LRRC31: variants seen among roughly 807,000 people sequenced by gnomAD.
The protein encoded by LRRC31 is leucine rich repeat containing 31.
In LRRC31, 35 loss-of-function variants were observed where a neutral mutation model predicts 46.7. The observed-to-expected ratio is 0.75, with a 90% CI of 0.57 to 0.99. LRRC31 has a LOEUF of 0.99. Ranked by LOEUF, LRRC31 falls within the 50% of genes least tolerant of loss-of-function variation. LRRC31 has a pLI of 0.00. For missense variants in LRRC31, 613 were observed against 626.1 expected (o/e 0.98, Z 0.22); for synonymous variants, 236 against 235.1 (o/e 1.00, Z -0.03).
intron 1 of LRRC31, among the ~76,000 whole-genome samples, chr3:169,864,138 C>T (rs1337694041): frequency 1.3e-5 from 2 of 152,082 alleles, no homozygotes; most frequent in East Asian, 3.9e-4. Context: ...CCAGCCCCAC[C>T]AAACCCACTC....
At chr3:169,857,711 T>C (rs906420685) in intron 3 of LRRC31, among the ~76,000 whole-genome samples, 3 of 152,000 alleles carry the variant, frequency 2.0e-5, no homozygotes, top group African/African-American at 7.3e-5. Flanking sequence ...AAATGTACTT[T>C]CTCAATGTGC....
Position 169,869,682 on chromosome 3 carries a change from A to T in LRRC31, c.126T>A (p.Ser42Arg). ...GTATCCAGTCGCTGGGTTGGGAATC[A>T]CTTGTTTTAAGGTCATTGTCCTCTT... ...SRKEDNDLKT[S>R]DSQPSDWIQK... Residue 42 changes from serine (S) to arginine (R), a missense_variant, in exon 1 of 9, where the codon AGT becomes AGA. By Grantham distance (110) the Ser-to-Arg change is moderately radical. Coordinates refer to ENST00000316428, the MANE Select transcript of LRRC31 (RefSeq NM_024727.4). 1 of 1,611,280 alleles carries T rather than the reference A, an allele frequency of 6.2e-7. No homozygotes were observed. Among genetic ancestry groups the T allele is most frequent in the Non-Finnish European group, 8.5e-7 (1 of 1,179,054 alleles).
chr3:169,852,564 T>A (rs1427167081), intron 6 of LRRC31, among the ~76,000 whole-genome samples: 2 of 152,214 alleles, frequency 1.3e-5, no homozygotes, highest in African/African-American at 2.4e-5. Context: ...TTTCTCAGAA[T>A]GTAAGTACCA....
At chr3:169,867,182 C>T (rs61097590) in intron 1 of LRRC31, among the ~76,000 whole-genome samples, 1 of 149,952 alleles carries the variant, frequency 6.7e-6, no homozygotes, top group African/African-American at 2.5e-5. Flanking sequence ...TCCAGAGTAG[C>T]TAGGACCACA....
At chr3:169,868,782 CACAGAG>C (rs1368127616) in intron 1 of LRRC31, among the ~76,000 whole-genome samples, 1 of 151,992 alleles carries the variant, frequency 6.6e-6, no homozygotes, top group Non-Finnish European at 1.5e-5. Context: ...AAATGATTAG[CACAGAG>C]ACTCATAGTT....
At chr3:169,857,890 A>G (rs1262013166) in intron 3 of LRRC31, among the ~76,000 whole-genome samples, 1 of 152,152 alleles carries the variant, frequency 6.6e-6, no homozygotes, top group Non-Finnish European at 1.5e-5. Flanking sequence ...ATCTTAAGCC[A>G]GCAATGAACA....
At chr3:169,856,203 C>G (rs903645833) in intron 5 of LRRC31, 133 bp downstream of exon 5, 20 of 382,054 alleles carry the variant, frequency 5.2e-5, no homozygotes, top group African/African-American at 3.9e-4. Flanking sequence ...TTCAATTACC[C>G]ATAATCTTAT....
chr3:169,854,597 G>T (rs934589107), intron 6 of LRRC31, among the ~76,000 whole-genome samples: 2 of 152,162 alleles, frequency 1.3e-5, no homozygotes, highest in Admixed American at 1.3e-4. Context: ...TCTATCATTT[G>T]CAGACATGTA....
chr3:169,867,047 G>GTTTTTTTTTTTT (rs1560636105), intron 1 of LRRC31, among the ~76,000 whole-genome samples: 7 of 92,676 alleles, frequency 7.6e-5, no homozygotes, highest in African/African-American at 4.8e-4. Context: ...GGTTTTTTTT[G>GTTTTTTTTTTTT]TTTGTTTGTT....
At position 169,869,825 on chromosome 3, in the gene LRRC31, T is replaced by C. The variant is rs1781443032; in HGVS notation, c.-18A>G. ...TGACTCATGGTGAAGTTGATGGGGG[T>C]AGTTCCCAATAAGACATCTTCCTGT... On this transcript the variant is annotated 5_prime_UTR_variant, in exon 1 of 9. Transcript: ENST00000316428. 6.3e-7 allele frequency: 1 copy of C among 1,591,458 alleles called. No homozygotes were observed.
chr3:169,857,666 AT>A (rs1215765049), intron 3 of LRRC31, among the ~76,000 whole-genome samples: 1 of 151,720 alleles, frequency 6.6e-6, no homozygotes, highest in African/African-American at 2.4e-5. Context: ...CTTAGGAATG[AT>A]TTTCACTGCC....
intron 3 of LRRC31, among the ~76,000 whole-genome samples, chr3:169,859,414 G>A (rs2090346368): frequency 6.6e-6 from 1 of 152,202 alleles, no homozygotes; most frequent in South Asian, 2.1e-4. Flanking sequence ...GACGTCAGCT[G>A]CCCCCATTTC....
chr3:169,840,397 A>T, intron 8 of LRRC31, 84 bp from the exon 9 acceptor site: 1 of 1,345,286 alleles, frequency 7.4e-7, no homozygotes, highest in Non-Finnish European at 1.0e-6. Flanking sequence ...CACTATCTCC[A>T]GGAATAGTAA....
chr3:169,843,712 C>G (rs1354435891), intron 8 of LRRC31, among the ~76,000 whole-genome samples: 1 of 152,138 alleles, frequency 6.6e-6, no homozygotes, highest in African/African-American at 2.4e-5. Flanking sequence ...AAACTAATAC[C>G]TTTGGTCAGA....
At position 169,851,720 on chromosome 3, in the gene LRRC31, C is replaced by A. The variant is rs1780776432; in HGVS notation, c.1058G>T (p.Ser353Ile). 2 of 1,614,100 alleles carry A rather than the reference C, an allele frequency of 1.2e-6. No homozygotes were observed. The highest frequency in any genetic ancestry group is 1.7e-6 in the Non-Finnish European group (2 of 1,179,952). Residue 353 changes from serine to isoleucine, a missense_variant, in exon 7 of 9, where the codon AGT becomes ATT. Coordinates refer to ENST00000316428, the MANE Select transcript of LRRC31 (RefSeq NM_024727.4). Reference sequence around the variant, plus strand: ...CCTGCTGAGTAAGTTTTCAGAAGAACTGCCCATCTTTTTGTTGGCTGATAA... The same window carrying A: ...CCTGCTGAGTAAGTTTTCAGAAGAAATGCCCATCTTTTTGTTGGCTGATAA... ...LDLSANKKMG[S>I]SSENLLSRLR...
intron 7 of LRRC31, among the ~76,000 whole-genome samples, chr3:169,851,159 T>G (rs572766390): frequency 6.6e-6 from 1 of 152,100 alleles, no homozygotes; most frequent in Non-Finnish European, 1.5e-5. Flanking sequence ...CACCATGTCC[T>G]GCAGGTGGGC....
At chr3:169,848,427 T>G (rs1158126710) in intron 7 of LRRC31, 140 bp from the exon 8 acceptor site, 3 of 695,116 alleles carry the variant, frequency 4.3e-6, no homozygotes, top group Non-Finnish European at 6.9e-6. Flanking sequence ...TTCTTCTGCC[T>G]TAAATTTATG....
chr3:169,865,965 G>C (rs1340642264), intron 1 of LRRC31, among the ~76,000 whole-genome samples: 1 of 152,156 alleles, frequency 6.6e-6, no homozygotes, highest in Non-Finnish European at 1.5e-5. Context: ...AAGTAAATCA[G>C]AGGGCCACAC....
intron 8 of LRRC31, among the ~76,000 whole-genome samples, chr3:169,842,468 A>G (rs1780480871): frequency 6.6e-6 from 1 of 152,144 alleles, no homozygotes; most frequent in Non-Finnish European, 1.5e-5. Context: ...CTCCTGCCTC[A>G]GCCTCTCGAG....
Sources: allele counts gnomAD v4.1 joint callset (sites outside exome capture counted in the v4.1 genomes callset), GRCh38; gene constraint gnomAD v4.1.1; transcripts MANE v1.5; gene names NCBI Gene and HGNC (gene_info 2026-07-23, HGNC 2026-07-21).